SNAPC3: variants seen among roughly 807,000 people sequenced by gnomAD.
The protein encoded by SNAPC3 is small nuclear RNA activating complex polypeptide 3, also known as snRNA-activating protein complex subunit 3.
In SNAPC3, 56 loss-of-function variants were observed where a neutral mutation model predicts 47.7. The observed-to-expected ratio is 1.18, with a 90% CI of 0.95 to 1.47. The LOEUF is 1.47. Among genes scored for constraint, SNAPC3 ranks in the 40% most tolerant of loss-of-function variants. The pLI is 0.00. For synonymous variants in SNAPC3, 235 were observed against 189.9 expected (o/e 1.24, Z -1.95); for missense variants, 665 against 511.3 (o/e 1.30, Z -2.90).
chr9:15,456,229 C>G (rs563289291), intron 7 of SNAPC3, among the ~76,000 whole-genome samples: 154 of 152,088 alleles, frequency 1.0e-3, no homozygotes, highest in African/African-American at 3.3e-3. Context: ...AGGCTGGTGT[C>G]GAACTCCTGA....
At chr9:15,442,532 C>T (rs1315413205) in intron 3 of SNAPC3, among the ~76,000 whole-genome samples, 5 of 147,474 alleles carry the variant, frequency 3.4e-5, no homozygotes, top group Admixed American at 6.7e-5. Context: ...CCTCCCAGAT[C>T]GGGTGGCGGC....
chr9:15,465,401 C>T (rs566087923), downstream of SNAPC3: 164 of 882,146 alleles, frequency 1.9e-4, no homozygotes, highest in East Asian at 4.2e-3. Flanking sequence ...TTTTCTCCCT[C>T]AAAACAAGTT....
At chr9:15,463,913 T>A (rs935267417), downstream of SNAPC3, 6 of 156,826 alleles carry the variant, frequency 3.8e-5, no homozygotes, top group Non-Finnish European at 8.5e-5. Context: ...TACCTTTATT[T>A]TTTATCATCT....
At chr9:15,435,587 C>T (rs1331976694) in intron 3 of SNAPC3, among the ~76,000 whole-genome samples, 3 of 151,622 alleles carry the variant, frequency 2.0e-5, no homozygotes, top group Non-Finnish European at 2.9e-5. Flanking sequence ...AAAAATTAGC[C>T]GGGCGTGGTG....
chr9:15,460,109 GAGTTGT>G lies in SNAPC3; in HGVS notation c.*247_*252del. On this transcript the variant is annotated 3_prime_UTR_variant, in exon 9 of 9. Coordinates refer to ENST00000380821, the MANE Select transcript of SNAPC3 (RefSeq NM_001039697.2). ...TAGTGCTTTTTACCCATTTTGAGTT[GAGTTGT>G]AGTACTTTATATATTCTGACTTTAA... is the stretch of plus-strand genomic sequence containing the variant. The G allele has an allele frequency of 3.2e-6, 1 of 314,428 alleles. No homozygotes were observed. The highest frequency in any genetic ancestry group is 5.7e-6 in the Non-Finnish European group (1 of 174,328). 19.5% of individuals were successfully genotyped at this position (314,428 alleles called of 1,614,324 possible).
intron 2 of SNAPC3, among the ~76,000 whole-genome samples, chr9:15,430,197 A>G (rs1464037562): frequency 6.6e-6 from 1 of 152,226 alleles, no homozygotes. Flanking sequence ...TGGGGAGGCC[A>G]AGATGGAAGG....
intron 2 of SNAPC3, among the ~76,000 whole-genome samples, chr9:15,430,897 C>T (rs904697742): frequency 2.4e-4 from 37 of 152,222 alleles, no homozygotes; most frequent in African/African-American, 7.9e-4. Flanking sequence ...GAAAGGTGTG[C>T]CAGGTGTAGT....
chr9:15,428,840 G>A (rs1047403514), intron 2 of SNAPC3, among the ~76,000 whole-genome samples: 2 of 152,038 alleles, frequency 1.3e-5, no homozygotes, highest in East Asian at 1.9e-4. Flanking sequence ...AGATGAATCC[G>A]AGAAAGTAGG....
downstream of SNAPC3, among the ~76,000 whole-genome samples, chr9:15,466,159 C>T (rs1252016820): frequency 1.3e-5 from 2 of 152,160 alleles, no homozygotes; most frequent in Non-Finnish European, 2.9e-5. Flanking sequence ...GGGTGGATCA[C>T]CTGAGGTCAG....
chr9:15,434,563 A>G (rs12684477), intron 3 of SNAPC3, among the ~76,000 whole-genome samples: 2,695 of 152,120 alleles, frequency 0.018, 72 homozygotes, highest in East Asian at 0.1. Context: ...GCCTGCCACC[A>G]TGCCTGGCTC....
chr9:15,437,949 T>C (rs1243059425), intron 3 of SNAPC3, among the ~76,000 whole-genome samples: 1 of 152,320 alleles, frequency 6.6e-6, no homozygotes, highest in East Asian at 1.9e-4. Flanking sequence ...GTAGTTTTCC[T>C]GTAGTGTCTT....
intron 6 of SNAPC3, among the ~76,000 whole-genome samples, chr9:15,452,544 T>C (rs971473282): frequency 6.6e-6 from 1 of 151,730 alleles, no homozygotes; most frequent in Non-Finnish European, 1.5e-5. Flanking sequence ...AGTCGAACTC[T>C]GGACCTCAAG....
intron 1 of SNAPC3, among the ~76,000 whole-genome samples, chr9:15,423,592 G>C (rs989660461): frequency 6.6e-6 from 1 of 152,114 alleles, no homozygotes. Context: ...TTAAAACCCC[G>C]ACTAACTGGT....
At chr9:15,430,858 T>G (rs2032050786) in intron 2 of SNAPC3, among the ~76,000 whole-genome samples, 1 of 152,116 alleles carries the variant, frequency 6.6e-6, no homozygotes, top group Non-Finnish European at 1.5e-5. Flanking sequence ...AAAAGCAAAG[T>G]CCCAAAGTAT....
chr9:15,448,959 C>T (rs922835616), intron 5 of SNAPC3, among the ~76,000 whole-genome samples: 3 of 151,896 alleles, frequency 2.0e-5, no homozygotes, highest in Admixed American at 2.0e-4. Flanking sequence ...ACAGGTGGCC[C>T]CACTGCGCCC....
chr9:15,448,722 G>C (rs1165435862), intron 5 of SNAPC3, among the ~76,000 whole-genome samples: 1 of 152,056 alleles, frequency 6.6e-6, no homozygotes, highest in African/African-American at 2.4e-5. Flanking sequence ...GGTTCTTCAG[G>C]GTTGCCATCT....
chr9:15,455,934 G>C (rs1209333353), intron 7 of SNAPC3, among the ~76,000 whole-genome samples: 1 of 152,126 alleles, frequency 6.6e-6, no homozygotes, highest in African/African-American at 2.4e-5. Flanking sequence ...GAGTGCAGTG[G>C]CGTGATCTCG....
At chr9:15,465,589 A>T, downstream of SNAPC3, 1 of 1,564,336 alleles carries the variant, frequency 6.4e-7, no homozygotes, top group Non-Finnish European at 8.8e-7. Flanking sequence ...GCCTGAAGAA[A>T]AGGGGGAAAG....
chr9:15,434,199 C>T (rs966206707), intron 3 of SNAPC3, among the ~76,000 whole-genome samples: 1 of 152,092 alleles, frequency 6.6e-6, no homozygotes, highest in African/African-American at 2.4e-5. Flanking sequence ...AATTAAGTGG[C>T]AATAAGTACA....
Sources: gnomAD v4.1 joint callset for allele counts (sites outside exome capture counted in the v4.1 genomes callset) on GRCh38, gnomAD v4.1.1 for gene constraint, MANE v1.5 for transcripts, NCBI Gene and HGNC (gene_info 2026-07-23, HGNC 2026-07-21) for gene names.